KIAA0825: variants seen among roughly 807,000 people sequenced by gnomAD.
The protein encoded by KIAA0825 is uncharacterized protein KIAA0825.
In KIAA0825, 119 loss-of-function variants were observed where a neutral mutation model predicts 147.6. That is an observed-to-expected ratio of 0.81 (90% CI 0.69 to 0.94). KIAA0825 has a LOEUF of 0.94. Among genes scored for constraint, KIAA0825 ranks in the 40% least tolerant of loss-of-function variants. KIAA0825 has a pLI of 0.00. For missense variants in KIAA0825, 1,381 were observed against 1,472.7 expected (o/e 0.94, Z 1.02); for synonymous variants, 470 against 518.1 (o/e 0.91, Z 1.26).
intron 20 of KIAA0825, among the ~76,000 whole-genome samples, chr5:94,291,234 T>G (rs1333710665): frequency 6.6e-6 from 1 of 152,246 alleles, no homozygotes; most frequent in Non-Finnish European, 1.5e-5. Context: ...TCTAGGGTTT[T>G]TATGGTTTTA....
intron 1 of KIAA0825, among the ~76,000 whole-genome samples, chr5:94,606,050 A>G (rs1474740557): frequency 1.3e-5 from 2 of 152,244 alleles, no homozygotes; most frequent in African/African-American, 4.8e-5. Flanking sequence ...GCTGATAAAC[A>G]ACTTCAGCAA....
rs557310624 is a variant in KIAA0825, at chr5:94,370,617, A to G, written c.3710+13751T>C. Among the ~76,000 whole-genome samples, 60 of 152,264 alleles carry G rather than the reference A, an allele frequency of 3.9e-4. No individual in the cohort carries two copies. In the East Asian group the frequency reaches 9.6e-3, roughly 24 times the overall value. On this transcript the variant is annotated intron_variant, in intron 20 of 20. Coordinates refer to ENST00000682413, the MANE Select transcript of KIAA0825 (RefSeq NM_001145678.3). ...ATTATAAGTTGATAAATTTAAAAAC[A>G]TAGTATCGGCCGGTTGCTGTGGCTG...
At chr5:94,294,659 G>C (rs906549474) in intron 20 of KIAA0825, among the ~76,000 whole-genome samples, 4 of 152,218 alleles carry the variant, frequency 2.6e-5, no homozygotes, top group Non-Finnish European at 5.9e-5. Flanking sequence ...TGTGGAGGTG[G>C]AGGTTGCAGT....
intron 3 of KIAA0825, among the ~76,000 whole-genome samples, chr5:94,532,980 C>CTTTT (rs1163019137): frequency 7.1e-6 from 1 of 140,116 alleles, no homozygotes. Flanking sequence ...CATTCTGTGT[C>CTTTT]TTTTTTTTTT....
chr5:94,263,897 A>G (rs1776618519), intron 20 of KIAA0825, among the ~76,000 whole-genome samples: 1 of 152,022 alleles, frequency 6.6e-6, no homozygotes, highest in South Asian at 2.1e-4. Context: ...GTGAATTACG[A>G]AAGTACAGAA....
Position 94,473,505 on chromosome 5 carries a change from A to C in KIAA0825, c.1242T>G (p.Asp414Glu), listed in dbSNP as rs1455869707. ...CTTTAAATGCACTTCTCCAGCCAAAATCTAGTAAGGTAGCCTGAAATATCA... is the reference window on the plus strand; with the variant it reads ...CTTTAAATGCACTTCTCCAGCCAAACTCTAGTAAGGTAGCCTGAAATATCA... ...SLPGKEATLL[D>E]FGWRSAFKEV... The change falls in exon 8 of 21, where the codon GAT becomes GAG. Residue 414 changes from aspartate to glutamate, a missense_variant. Coordinates refer to ENST00000682413, the MANE Select transcript of KIAA0825 (RefSeq NM_001145678.3). 1 of 1,550,682 alleles carries C rather than the reference A, an allele frequency of 6.4e-7. No individual in the cohort carries two copies. Among genetic ancestry groups the C allele is most frequent in the Non-Finnish European group, 8.7e-7 (1 of 1,146,066 alleles).
chr5:94,536,571 A>G (rs887739616), intron 3 of KIAA0825, among the ~76,000 whole-genome samples: 1 of 152,202 alleles, frequency 6.6e-6, no homozygotes, highest in Non-Finnish European at 1.5e-5. Context: ...ACAACTCTCT[A>G]TAAAGTCTCT....
intron 20 of KIAA0825, among the ~76,000 whole-genome samples, chr5:94,279,560 C>A: frequency 6.6e-6 from 1 of 152,082 alleles, no homozygotes; most frequent in African/African-American, 2.4e-5. Flanking sequence ...GCCTTTCTTC[C>A]CATTCTTTTT....
intron 13 of KIAA0825, among the ~76,000 whole-genome samples, chr5:94,451,009 G>T (rs1758326414): frequency 6.6e-6 from 1 of 152,090 alleles, no homozygotes; most frequent in South Asian, 2.1e-4. Flanking sequence ...ACAGCACTTT[G>T]CACTCCATAA....
chr5:94,325,818 T>A (rs1486651382), intron 20 of KIAA0825, among the ~76,000 whole-genome samples: 1 of 152,034 alleles, frequency 6.6e-6, no homozygotes, highest in African/African-American at 2.4e-5. Flanking sequence ...TTTCAAGTAC[T>A]TAAAATTACG....
At position 94,510,284 on chromosome 5, in the gene KIAA0825, T is replaced by C. The variant is rs72771691; in HGVS notation, c.970+9964A>G. ...CAAAACTTCATATTACTTAGTCTTTTTTATTTCACTGGCATCATAATTTCA... is the reference window on the plus strand; with the variant it reads ...CAAAACTTCATATTACTTAGTCTTTCTTATTTCACTGGCATCATAATTTCA... On this transcript the variant is annotated intron_variant, in intron 5 of 20. Transcript: ENST00000682413. 6.5e-3 allele frequency among the ~76,000 whole-genome samples: 992 copies of C among 152,352 alleles called. 8 individuals are homozygous for C. The highest frequency in any genetic ancestry group is 0.011 in the Admixed American group (168 of 15,306).
chr5:94,486,822 G>A (rs1224801609), intron 5 of KIAA0825, among the ~76,000 whole-genome samples: 1 of 152,090 alleles, frequency 6.6e-6, no homozygotes, highest in Non-Finnish European at 1.5e-5. Context: ...TAGATGAGTG[G>A]CTATTTTAAC....
At chr5:94,371,127 A>G (rs964973300) in intron 20 of KIAA0825, among the ~76,000 whole-genome samples, 2 of 152,074 alleles carry the variant, frequency 1.3e-5, no homozygotes, top group Admixed American at 6.5e-5. Context: ...TATTGCTTAT[A>G]GTTTATTATA....
chr5:94,558,502 C>T (rs938685088), intron 2 of KIAA0825, among the ~76,000 whole-genome samples: 1 of 152,206 alleles, frequency 6.6e-6, no homozygotes, highest in Non-Finnish European at 1.5e-5. Flanking sequence ...CACAATAAAT[C>T]TTCTCCATGC....
chr5:94,357,706 G>A (rs1744475022), intron 20 of KIAA0825, among the ~76,000 whole-genome samples: 1 of 152,160 alleles, frequency 6.6e-6, no homozygotes, highest in Non-Finnish European at 1.5e-5. Context: ...GAAGGGCTAT[G>A]GCCTTTCTGA....
chr5:94,293,416 CAGTTTTGAGTG>C (rs952743992), intron 20 of KIAA0825, among the ~76,000 whole-genome samples: 1 of 152,102 alleles, frequency 6.6e-6, no homozygotes, highest in Non-Finnish European at 1.5e-5. Flanking sequence ...TGTAGTTGTG[CAGTTTTGAGTG>C]AGTTTCTTAA....
chr5:94,336,070 G>C (rs977087509), intron 20 of KIAA0825, among the ~76,000 whole-genome samples: 2 of 151,976 alleles, frequency 1.3e-5, no homozygotes, highest in African/African-American at 4.8e-5. Context: ...AGGTTACACT[G>C]GTTTCATAAA....
chr5:94,608,327 T>C (rs1787884974), intron 1 of KIAA0825, among the ~76,000 whole-genome samples: 1 of 134,848 alleles, frequency 7.4e-6, no homozygotes, highest in African/African-American at 2.8e-5. Flanking sequence ...AGTGCTGCAA[T>C]ATCCGCTCAC....
chr5:94,524,009 C>A lies in KIAA0825; in HGVS notation c.221G>T (p.Trp74Leu), dbSNP rs1300705769. 6.2e-7 allele frequency: 1 copy of A among 1,609,348 alleles called. No homozygotes were observed. The highest frequency in any genetic ancestry group is 8.5e-7 in the Non-Finnish European group (1 of 1,176,788). ...TGTACTGTAATTATAGTTAGTTAGC[C>A]ATTCAAAGCAGTCAGTTGTTGTTTG... ...QLQTTTDCFE[W>L]LTNYNYSTSE... Residue 74 changes from tryptophan to leucine, a missense_variant, in exon 4 of 21, where the codon TGG (tryptophan) becomes TTG (leucine). By Grantham distance (61) the Trp-to-Leu change is moderately conservative. Transcript: ENST00000682413.
Sources: allele counts gnomAD v4.1 joint callset (sites outside exome capture counted in the v4.1 genomes callset), GRCh38; gene constraint gnomAD v4.1.1; transcripts MANE v1.5; gene names NCBI Gene and HGNC (gene_info 2026-07-23, HGNC 2026-07-21).